SGCD: variants seen among roughly 807,000 people sequenced by gnomAD.
SGCD encodes sarcoglycan delta.
A neutral mutation model predicts 36.6 loss-of-function variants in SGCD; 18 were observed. That is an observed-to-expected ratio of 0.49 (90% CI 0.34 to 0.73). The LOEUF is 0.73. Among genes scored for constraint, SGCD ranks in the 30% least tolerant of loss-of-function variants. The pLI is 0.01. For synonymous variants in SGCD, 133 were observed against 130.6 expected (o/e 1.02, Z -0.12); for missense variants, 387 against 346.7 (o/e 1.12, Z -0.92).
At chr5:155,844,694 G>T in the SGCD span, among the ~76,000 whole-genome samples, 1 of 152,016 alleles carries the variant, frequency 6.6e-6, no homozygotes, top group Non-Finnish European at 1.5e-5. Context: ...TATAAATGCT[G>T]GCCATAGAAT....
chr5:156,589,987 C>T (rs577011863), intron 5 of SGCD, among the ~76,000 whole-genome samples: 7 of 152,196 alleles, frequency 4.6e-5, no homozygotes, highest in East Asian at 1.9e-4. Flanking sequence ...GATTTGGTAA[C>T]GTGTTGAGCA....
At chr5:156,409,622 ATT>A (rs1461709318) in intron 3 of SGCD, among the ~76,000 whole-genome samples, 2 of 152,190 alleles carry the variant, frequency 1.3e-5, no homozygotes, top group African/African-American at 2.4e-5. Flanking sequence ...CCTCAGAATA[ATT>A]GTGTGGCCTT....
chr5:156,339,282 C>T (rs1367483531), intron 2 of SGCD, among the ~76,000 whole-genome samples: 2 of 152,138 alleles, frequency 1.3e-5, no homozygotes, highest in African/African-American at 4.8e-5. Context: ...AACAGATGAT[C>T]CTTAAGTCAA....
intron 3 of SGCD, among the ~76,000 whole-genome samples, chr5:156,371,541 G>A (rs369469527): frequency 2.0e-5 from 3 of 152,290 alleles, no homozygotes; most frequent in East Asian, 3.9e-4. Flanking sequence ...AGAAAGGACC[G>A]AGTGTCAGAA....
Position 156,187,592 on chromosome 5 carries a change from A to G in SGCD, c.-44+63573A>G, listed in dbSNP as rs79044698. ...TCCTCATATGTAAACACGAATACTG[A>G]TAGTACCTGTGGCATGATGTATGAG... is the stretch of plus-strand genomic sequence containing the variant. On this transcript the variant is annotated intron_variant, in intron 3 of 9. Transcript: ENST00000517913. Among the ~76,000 whole-genome samples, 10 of 152,276 alleles carry G rather than the reference A, an allele frequency of 6.6e-5. No individual in the cohort carries two copies. The East Asian group carries it at 1.9e-3, about 29-fold the overall frequency.
At chr5:156,503,171 G>C (rs1756529324) in intron 3 of SGCD, among the ~76,000 whole-genome samples, 1 of 152,150 alleles carries the variant, frequency 6.6e-6, no homozygotes, top group Non-Finnish European at 1.5e-5. Flanking sequence ...GGTCGTTTCT[G>C]TACCTCCTTC....
chr5:156,529,467 T>C (rs1757790591), intron 4 of SGCD, among the ~76,000 whole-genome samples: 1 of 149,248 alleles, frequency 6.7e-6, no homozygotes, highest in Non-Finnish European at 1.5e-5. Flanking sequence ...AATATGGTCA[T>C]GTGGTCTTAA....
intron 4 of SGCD, among the ~76,000 whole-genome samples, chr5:156,552,318 T>A (rs1360567709): frequency 6.6e-6 from 1 of 152,108 alleles, no homozygotes; most frequent in Non-Finnish European, 1.5e-5. Flanking sequence ...AGTGCTGTGT[T>A]GAGAAGATGT....
At chr5:156,550,576 C>T (rs1758751126) in intron 4 of SGCD, among the ~76,000 whole-genome samples, 1 of 152,208 alleles carries the variant, frequency 6.6e-6, no homozygotes, top group South Asian at 2.1e-4. Flanking sequence ...AGCACTCCAG[C>T]TTCTGAAGTC....
chr5:155,738,028 C>A, the SGCD span, among the ~76,000 whole-genome samples: 1 of 152,002 alleles, frequency 6.6e-6, no homozygotes, highest in Non-Finnish European at 1.5e-5. Context: ...AGCATTGATG[C>A]CAACTTGAGT....
At chr5:156,578,825 C>T (rs1259054351) in intron 4 of SGCD, among the ~76,000 whole-genome samples, 2 of 152,098 alleles carry the variant, frequency 1.3e-5, no homozygotes, top group African/African-American at 4.8e-5. Flanking sequence ...ATTAGTCTTG[C>T]TAGTGGTCTA....
intron 4 of SGCD, among the ~76,000 whole-genome samples, chr5:156,562,051 T>G (rs1759285905): frequency 6.6e-6 from 1 of 152,198 alleles, no homozygotes; most frequent in South Asian, 2.1e-4. Flanking sequence ...AACAAATATT[T>G]ACTGAACACT....
At chr5:155,936,835 C>A (rs959756524) in intron 1 of SGCD, among the ~76,000 whole-genome samples, 1 of 152,206 alleles carries the variant, frequency 6.6e-6, no homozygotes, top group Non-Finnish European at 1.5e-5. Flanking sequence ...CTCTGAGCTG[C>A]CCCCACTCAC....
chr5:155,937,563 G>C (rs756086629), intron 1 of SGCD, among the ~76,000 whole-genome samples: 1 of 152,172 alleles, frequency 6.6e-6, no homozygotes, highest in African/African-American at 2.4e-5. Flanking sequence ...AAAGATCTTC[G>C]GGGAGTCCAG....
intron 3 of SGCD, among the ~76,000 whole-genome samples, chr5:156,436,412 G>A (rs971817275): frequency 6.6e-6 from 1 of 152,190 alleles, no homozygotes; most frequent in African/African-American, 2.4e-5. Flanking sequence ...GAAATCAGTT[G>A]TCAAGTCATA....
At chr5:155,777,224 T>C in the SGCD span, among the ~76,000 whole-genome samples, 1 of 152,190 alleles carries the variant, frequency 6.6e-6, no homozygotes, top group Non-Finnish European at 1.5e-5. Context: ...TTCATCAAAG[T>C]TGTAAATTTG....
chr5:156,108,625 A>G (rs192294955), intron 1 of SGCD, among the ~76,000 whole-genome samples: 22 of 152,254 alleles, frequency 1.4e-4, no homozygotes, highest in African/African-American at 2.2e-4. Context: ...TCCTAATTGT[A>G]TTTACTTTAA....
intron 6 of SGCD, among the ~76,000 whole-genome samples, chr5:156,631,607 G>A (rs1476405121): frequency 6.6e-6 from 1 of 151,102 alleles, no homozygotes; most frequent in South Asian, 2.1e-4. Context: ...CACAAAATGT[G>A]CTTGCCTCTG....
At chr5:156,171,115 A>T (rs1763335123) in intron 3 of SGCD, among the ~76,000 whole-genome samples, 1 of 152,084 alleles carries the variant, frequency 6.6e-6, no homozygotes, top group Admixed American at 6.6e-5. Context: ...TACATCTGTA[A>T]TTTTCCAAGG....
Sources: gnomAD v4.1 joint callset for allele counts (sites outside exome capture counted in the v4.1 genomes callset) on GRCh38, gnomAD v4.1.1 for gene constraint, MANE v1.5 for transcripts, NCBI Gene and HGNC (gene_info 2026-07-23, HGNC 2026-07-21) for gene names.